The following MGST3 variants were observed in gnomAD, a reference collection of about 807,000 sequenced individuals.
The protein encoded by MGST3 is microsomal glutathione S-transferase 3.
A neutral mutation model predicts 15.8 loss-of-function variants in MGST3; 13 were observed. The ratio of observed to expected loss-of-function variants is 0.82; its 90% confidence interval spans 0.54 to 1.31. The LOEUF is 1.31. MGST3 is among the 50% of genes most tolerant of loss of function. MGST3 has a pLI of 0.00. For missense variants in MGST3, 155 were observed against 192.4 expected (o/e 0.81, Z 1.15); for synonymous variants, 49 against 68.1 (o/e 0.72, Z 1.38).
intron 1 of MGST3, among the ~76,000 whole-genome samples, chr1:165,632,621 AT>A (rs943555852): frequency 2.0e-5 from 3 of 152,214 alleles, no homozygotes; most frequent in Non-Finnish European, 2.9e-5. Flanking sequence ...TTGTCAAGTG[AT>A]TTTTTTTAAC....
At chr1:165,649,144 T>C (rs1367110076) in intron 1 of MGST3, 1 of 152,822 alleles carries the variant, frequency 6.5e-6, no homozygotes, top group Non-Finnish European at 1.5e-5. Context: ...TCAGGAGCCA[T>C]GCTCTGCTTT....
chr1:165,635,429 G>A (rs1017384178), intron 1 of MGST3, among the ~76,000 whole-genome samples: 4 of 152,240 alleles, frequency 2.6e-5, no homozygotes, highest in Non-Finnish European at 2.9e-5. Context: ...CAGAGAAGAA[G>A]AAAGCAGGTA....
intron 4 of MGST3, 88 bp from the exon 5 acceptor site, chr1:165,654,191 G>A: frequency 7.9e-7 from 1 of 1,269,458 alleles, no homozygotes; most frequent in East Asian, 2.3e-5. Flanking sequence ...TTAACTTTTT[G>A]CTAACATATT....
intron 1 of MGST3, among the ~76,000 whole-genome samples, chr1:165,639,801 T>TCAAAA (rs752005231): frequency 1.1e-4 from 16 of 152,102 alleles, no homozygotes; most frequent in East Asian, 3.9e-4. Context: ...AGACCCTGTC[T>TCAAAA]CAAAACAAAA....
At chr1:165,641,282 G>A (rs1156739315) in intron 1 of MGST3, among the ~76,000 whole-genome samples, 3 of 152,218 alleles carry the variant, frequency 2.0e-5, no homozygotes, top group African/African-American at 7.2e-5. Flanking sequence ...TTGAGGGCAG[G>A]ACCCTTTCTT....
At position 165,655,639 on chromosome 1, in the gene MGST3, C is replaced by T. The variant is rs534328458; in HGVS notation, c.*135C>T. On this transcript the variant is annotated 3_prime_UTR_variant, in exon 6 of 6. Coordinates refer to ENST00000367889, the MANE Select transcript of MGST3 (RefSeq NM_004528.4). ...CCTAAAACTCCTGACTCTTACCACT[C>T]ATTTCCGTTTGAGTCTGTATCTGAA... The T allele has an allele frequency of 2.7e-4, 289 of 1,079,602 alleles. No individual in the cohort carries two copies. Among genetic ancestry groups the T allele is most frequent in the Non-Finnish European group, 3.7e-4 (271 of 741,236 alleles). The allele number at this position is 1,079,602 out of a possible 1,614,324, so 66.9% of individuals were successfully genotyped here.
At chr1:165,650,767 C>G (rs182725497) in intron 2 of MGST3, 1 of 512,704 alleles carries the variant, frequency 2.0e-6, no homozygotes, top group Non-Finnish European at 3.6e-6. Context: ...GCAAAGCTGC[C>G]TCTTTCCCTT....
intron 4 of MGST3, 64 bp from the exon 5 acceptor site, chr1:165,654,215 T>A: frequency 6.8e-7 from 1 of 1,472,988 alleles, no homozygotes; most frequent in Non-Finnish European, 9.5e-7. Flanking sequence ...TAATCAACCC[T>A]AGGTGTTAAA....
In MGST3 at chr1:165,635,349, C is replaced by T. The variant is rs1030541131; in HGVS notation, c.-8+4056C>T. On this transcript the variant is annotated intron_variant, in intron 1 of 5. Coordinates refer to ENST00000367889, the MANE Select transcript of MGST3 (RefSeq NM_004528.4). ...CTTAGATTCCTGAAGAACAGAATTA[C>T]CAGTTTTTTCTCAGAGGAGATTTCA... 2.6e-5 allele frequency among the ~76,000 whole-genome samples: 4 copies of T among 152,298 alleles called. No individual in the cohort carries two copies. In the East Asian group the frequency reaches 7.7e-4, roughly 29 times the overall value.
intron 1 of MGST3, chr1:165,632,132 G>C: frequency 1.0e-6 from 1 of 992,278 alleles, no homozygotes; most frequent in Non-Finnish European, 1.6e-6. Flanking sequence ...ACATAATAGC[G>C]TCGGGGGCAA....
chr1:165,631,706 G>A (rs1351724572), intron 1 of MGST3, among the ~76,000 whole-genome samples: 1 of 152,192 alleles, frequency 6.6e-6, no homozygotes, highest in Non-Finnish European at 1.5e-5. Flanking sequence ...ACACTGCCGG[G>A]GGAGTGGTTG....
intron 1 of MGST3, chr1:165,632,278 TGTGCTGTTGGGCCTA>T (rs771405387): frequency 1.2e-6 from 2 of 1,612,574 alleles, no homozygotes; most frequent in South Asian, 2.2e-5. Flanking sequence ...TCTGCAGGTA[TGTGCTGTTGGGCCTA>T]GGTGTGGTCC....
At chr1:165,640,063 G>A (rs9333413) in intron 1 of MGST3, among the ~76,000 whole-genome samples, 50,878 of 151,982 alleles carry the variant, frequency 0.33, 9,785 homozygotes, top group East Asian at 0.79. Flanking sequence ...GTAGCATAAT[G>A]AGCATTACTT....
intron 1 of MGST3, among the ~76,000 whole-genome samples, chr1:165,641,580 A>G (rs986496315): frequency 3.9e-5 from 6 of 152,204 alleles, no homozygotes; most frequent in Admixed American, 2.6e-4. Flanking sequence ...ACCAGTATTT[A>G]TTTCTTCATA....
At chr1:165,632,992 A>G (rs966219094) in intron 1 of MGST3, among the ~76,000 whole-genome samples, 3 of 152,276 alleles carry the variant, frequency 2.0e-5, no homozygotes, top group Non-Finnish European at 4.4e-5. Context: ...CTATGTTTAT[A>G]CTTAAATCTT....
Position 165,655,381 on chromosome 1 carries a change from T to C in MGST3, c.336T>C (p.Arg112=), listed in dbSNP as rs1221151265. 4 of 1,614,008 alleles carry C rather than the reference T, an allele frequency of 2.5e-6. No homozygotes were observed. In the East Asian group the frequency reaches 6.7e-5, roughly 27 times the overall value. ...YGYYTGEPSK[R]SRGALGSIAL... ...CTTCTTTTTCAGAACCCAGCAAGCGTAGTCGAGGAGCCCTGGGGTCCATCG... is the reference window on the plus strand; with the variant it reads ...CTTCTTTTTCAGAACCCAGCAAGCGCAGTCGAGGAGCCCTGGGGTCCATCG... The change falls in exon 6 of 6, where the codon CGT becomes CGC. Residue 112 remains arginine, a synonymous_variant. Transcript: ENST00000367889.
intron 4 of MGST3, among the ~76,000 whole-genome samples, chr1:165,652,841 G>T (rs1453628803): frequency 1.3e-5 from 2 of 152,226 alleles, no homozygotes; most frequent in East Asian, 3.8e-4. Flanking sequence ...AGCCCTGTGG[G>T]ATGGAGATTT....
chr1:165,652,714 G>C (rs1648593988), intron 4 of MGST3, among the ~76,000 whole-genome samples: 1 of 152,192 alleles, frequency 6.6e-6, no homozygotes, highest in African/African-American at 2.4e-5. Context: ...GCAGGCACCT[G>C]TCTGGTTTGT....
chr1:165,639,550 C>T (rs1318125916), intron 1 of MGST3, among the ~76,000 whole-genome samples: 4 of 152,182 alleles, frequency 2.6e-5, no homozygotes, highest in Non-Finnish European at 5.9e-5. Flanking sequence ...TGCTTGTAAT[C>T]CCAGCACTTT....
Sources: gnomAD v4.1 joint callset for allele counts (sites outside exome capture counted in the v4.1 genomes callset) on GRCh38, gnomAD v4.1.1 for gene constraint, MANE v1.5 for transcripts, NCBI Gene and HGNC (gene_info 2026-07-23, HGNC 2026-07-21) for gene names.